The following ANKMY1 variants were observed in gnomAD, a reference collection of about 807,000 sequenced individuals.
ANKMY1 encodes the protein ankyrin repeat and MYND domain containing 1, also known as ankyrin repeat and MYND domain-containing protein 1.
A neutral mutation model predicts 102.0 loss-of-function variants in ANKMY1; 98 were observed. The ratio of observed to expected loss-of-function variants is 0.96; its 90% CI spans 0.82 to 1.14. The LOEUF is 1.14. ANKMY1 is among the 50% of genes most tolerant of loss of function. The probability of loss-of-function intolerance (pLI) is 0.00; values close to 1 mark genes in which losing one functional copy is unlikely to be tolerated. For missense variants in ANKMY1, 1,330 were observed against 1,347.6 expected (o/e 0.99, Z 0.20); for synonymous variants, 582 against 559.9 (o/e 1.04, Z -0.56).
At chr2:240,479,194 C>T (rs192041642), downstream of ANKMY1, among the ~76,000 whole-genome samples, 115 of 152,314 alleles carry the variant, frequency 7.6e-4, no homozygotes, top group Middle Eastern at 0.01. Flanking sequence ...AGCCTGCTGC[C>T]GCGGGCTCCT....
In ANKMY1 at chr2:240,506,332, G is replaced by T. The variant is rs576871797; in HGVS notation, c.2526+1228C>A. Reference sequence around the variant, plus strand: ...TCCTGGGCCCTATGAAGCTCCGAAAGAACATTAGGGGGCCCCTCCCAGCCC... The same window carrying T: ...TCCTGGGCCCTATGAAGCTCCGAAATAACATTAGGGGGCCCCTCCCAGCCC... On this transcript the variant is annotated intron_variant, in intron 13 of 17. Coordinates refer to ENST00000401804, the MANE Select transcript of ANKMY1 (RefSeq NM_001282771.3). This position sits in a 1 kb window ranked among gnomAD's most constrained non-coding sequence, Gnocchi z 4.9. Among the ~76,000 whole-genome samples, 103 of 152,284 alleles carry T rather than the reference G, an allele frequency of 6.8e-4. No individual in the cohort carries two copies. The highest frequency in any genetic ancestry group is 2.4e-3 in the African/African-American group (100 of 41,574).
Position 240,554,889 on chromosome 2 carries a change from T to C in ANKMY1, c.313A>G (p.Lys105Glu). ...FGLNMKLGYG[K>E]FSWPTGESYH... ...ACCTCGCCTGTGGGCCAAGAGAATT[T>C]GCCATATCCAAGCTTCATGTTCAAC... The change falls in exon 3 of 18, where the codon AAA (lysine) becomes GAA (glutamate). Residue 105 changes from lysine to glutamate, a missense_variant. Lys to Glu is a moderately conservative substitution (Grantham distance 56). Transcript: ENST00000401804. 1 of 1,614,094 alleles carries C rather than the reference T, an allele frequency of 6.2e-7. No individual in the cohort carries two copies. The highest frequency in any genetic ancestry group is 1.1e-5 in the South Asian group (1 of 91,078).
intron 2 of ANKMY1, among the ~76,000 whole-genome samples, chr2:240,555,738 G>A (rs949663986): frequency 2.6e-5 from 4 of 151,800 alleles, no homozygotes; most frequent in South Asian, 2.1e-4. Flanking sequence ...ACAGACGGAC[G>A]TGGCATCTCA....
intron 9 of ANKMY1, among the ~76,000 whole-genome samples, chr2:240,514,578 G>C (rs75037293): frequency 0.074 from 11,295 of 152,260 alleles, 494 homozygotes; most frequent in South Asian, 0.15. Context: ...GGGTAACATG[G>C]TGACATTTTC....
intron 4 of ANKMY1, among the ~76,000 whole-genome samples, chr2:240,530,001 G>A (rs371157883): frequency 2.0e-5 from 3 of 152,116 alleles, no homozygotes; most frequent in Non-Finnish European, 2.9e-5. Context: ...GAGCAGGAGA[G>A]GAGGCCAAAG....
At chr2:240,484,029 G>T (rs2075755909) in intron 15 of ANKMY1, among the ~76,000 whole-genome samples, 1 of 152,140 alleles carries the variant, frequency 6.6e-6, no homozygotes, top group Non-Finnish European at 1.5e-5. Flanking sequence ...CCTTTTTATG[G>T]CTGCATAGTA....
chr2:240,490,733 G>C (rs1004883513), intron 15 of ANKMY1, among the ~76,000 whole-genome samples: 1 of 152,166 alleles, frequency 6.6e-6, no homozygotes, highest in East Asian at 1.9e-4. Context: ...GTTGAGACTT[G>C]TTCTGTGGTC....
At chr2:240,473,124 AAAAAAAAAAAAAAAAC>A in the ANKMY1 span, among the ~76,000 whole-genome samples, 1 of 612 alleles carries the variant, frequency 1.6e-3, no homozygotes, top group African/African-American at 3.1e-3. Flanking sequence ...AACTCTGTCT[AAAAAAAAAAAAAAAAC>A]AAAAAAAACC....
At position 240,529,072 on chromosome 2, in the gene ANKMY1, C is replaced by T; in HGVS notation, c.918G>A (p.Leu306=). The part of the protein sequence containing the change: ...EPWFIINETP[L]LVKIQKQTYK... The stretch of plus-strand genomic sequence containing the variant: ...AAGTTTGCTTCTGGATTTTGACCAA[C>T]AAAGGGGTCTCATTGATTATGAACC... The change falls in exon 5 of 18, where the codon TTG becomes TTA. Residue 306 remains leucine (L), a synonymous_variant. Transcript: ENST00000401804. This position sits in a 1 kb window ranked among gnomAD's most constrained non-coding sequence, Gnocchi z 4.2. 1.9e-6 allele frequency: 3 copies of T among 1,614,170 alleles called. No homozygotes were observed. The highest frequency in any genetic ancestry group is 2.5e-6 in the Non-Finnish European group (3 of 1,180,024).
chr2:240,548,806 A>G (rs1156279230), intron 4 of ANKMY1, among the ~76,000 whole-genome samples: 1 of 149,308 alleles, frequency 6.7e-6, no homozygotes, highest in Non-Finnish European at 1.5e-5. Flanking sequence ...CCAACTTACA[A>G]GGGATGTGAA....
rs145996317 is a variant in ANKMY1, at chr2:240,519,286, G to A, written c.2004+1076C>T. Among the ~76,000 whole-genome samples, 543 of 152,336 alleles carry A rather than the reference G, an allele frequency of 3.6e-3. 5 individuals are homozygous for A. Among genetic ancestry groups the A allele is most frequent in the African/African-American group, 0.012 (504 of 41,568 alleles). On this transcript the variant is annotated intron_variant, in intron 9 of 17. Transcript: ENST00000401804. ...GGAAAATTGTGATGGGGTTGGTCTAGATGTTAAATTAGAGAAATGATTGTA... is the reference window on the plus strand; with the variant it reads ...GGAAAATTGTGATGGGGTTGGTCTAAATGTTAAATTAGAGAAATGATTGTA...
At chr2:240,511,722 C>T in intron 11 of ANKMY1, 139 bp downstream of exon 11, 1 of 1,144,816 alleles carries the variant, frequency 8.7e-7, no homozygotes, top group Non-Finnish European at 1.2e-6. Context: ...TGCCTTGCTT[C>T]CCTCCCCATC....
At chr2:240,524,488 A>G (rs2082959912) in intron 7 of ANKMY1, 107 bp from the exon 8 acceptor site, 1 of 1,291,230 alleles carries the variant, frequency 7.7e-7, no homozygotes, top group African/African-American at 1.5e-5. Context: ...GCTGTCTTCA[A>G]AGCAGCTAGG....
chr2:240,529,580 G>T lies in ANKMY1; in HGVS notation c.481-71C>A. 1 of 1,381,564 alleles carries T rather than the reference G, an allele frequency of 7.2e-7. No homozygotes were observed. Among genetic ancestry groups the T allele is most frequent in the Non-Finnish European group, 9.7e-7 (1 of 1,032,490 alleles). The allele number at this position is 1,381,564 out of a possible 1,614,324, so 85.6% of individuals were successfully genotyped here. ...CTGCACATGTGATCATGTTTGTAAC[G>T]TCAAAAGAAATCCCAAAAAAGAAAA... On this transcript the variant is annotated intron_variant, in intron 4 of 17. Coordinates refer to ENST00000401804, the MANE Select transcript of ANKMY1 (RefSeq NM_001282771.3). The surrounding 1 kb of genome is among the most constrained non-coding windows in gnomAD (Gnocchi z 4.2).
chr2:240,524,198 C>T lies in ANKMY1; in HGVS notation c.1519G>A (p.Gly507Arg), dbSNP rs181851692. ...SHEGGHFQDTGQCGGSIDHRS... is the reference protein window; with the variant it reads ...SHEGGHFQDTRQCGGSIDHRS... ...TGGTCTATGGACCCCCCACACTGCC[C>T]GGTGTCCTGGAAGTGGCCGCCCTCG... The change falls in exon 8 of 18, where the codon GGG (glycine) becomes AGG (arginine). Residue 507 changes from glycine (G) to arginine (R), a missense_variant. Physicochemically the swap from Gly to Arg is moderately radical, Grantham distance 125 (BLOSUM62 -2). Transcript: ENST00000401804. 83 of 1,613,908 alleles carry T rather than the reference C, an allele frequency of 5.1e-5. No homozygotes were observed. Among genetic ancestry groups the T allele is most frequent in the Middle Eastern group, 1.7e-4 (1 of 6,060 alleles).
rs4305277 is a variant in ANKMY1, at chr2:240,499,074, C to T, written c.2806+884G>A. ...TAACAGCACGTGGAAGTGTGTGGGG[C>T]GGAGCACTGTGTGCTGGGAAGGCAC... On this transcript the variant is annotated intron_variant, in intron 15 of 17. Transcript: ENST00000401804. The surrounding 1 kb of genome is among the most constrained non-coding windows in gnomAD (Gnocchi z 4.2). Among the ~76,000 whole-genome samples the T allele has an allele frequency of 0.16, 23,877 of 152,076 alleles. 2,488 individuals carry two copies. Among genetic ancestry groups the T allele is most frequent in the African/African-American group, 0.28 (11,585 of 41,426 alleles).
intron 8 of ANKMY1, chr2:240,523,515 C>T (rs2082723855): frequency 1.0e-5 from 3 of 291,532 alleles, no homozygotes; most frequent in African/African-American, 6.4e-5. Context: ...GAGAGCTGCC[C>T]AGGCAGGTGT....
intron 14 of ANKMY1, 140 bp from the exon 15 acceptor site, chr2:240,500,263 G>T: frequency 8.2e-7 from 1 of 1,222,194 alleles, no homozygotes; most frequent in Non-Finnish European, 1.1e-6. Context: ...AAAGCTGGGA[G>T]CACATACAGC....
At chr2:240,519,090 T>A (rs1165507823) in intron 9 of ANKMY1, among the ~76,000 whole-genome samples, 2 of 152,172 alleles carry the variant, frequency 1.3e-5, no homozygotes, top group Non-Finnish European at 2.9e-5. Flanking sequence ...AATCTACAAA[T>A]AAATTTCACA....
Sources: gnomAD v4.1 joint callset for allele counts (sites outside exome capture counted in the v4.1 genomes callset) on GRCh38, gnomAD v4.1.1 for gene constraint, Gnocchi (gnomAD v3.1) non-coding constraint, MANE v1.5 for transcripts, NCBI Gene and HGNC (gene_info 2026-07-23, HGNC 2026-07-21) for gene names.